The following ACOXL variants were observed in gnomAD, a reference collection of about 807,000 sequenced individuals.
The protein encoded by ACOXL is acyl-coenzyme A oxidase-like protein.
ACOXL carries 70 observed loss-of-function variants against 71.9 expected under a neutral mutation model. The ratio of observed to expected loss-of-function variants is 0.97; its 90% confidence interval spans 0.80 to 1.19. ACOXL has a LOEUF of 1.19. Ranked by LOEUF, ACOXL falls within the 50% of genes most tolerant of loss-of-function variation. The pLI, the probability that ACOXL is intolerant of heterozygous loss-of-function variation, is 0.00. For synonymous variants in ACOXL, 253 were observed against 281.6 expected, an observed-to-expected ratio of 0.90 and a Z score of 1.02; for missense variants, 703 against 736.3, an observed-to-expected ratio of 0.95 and a Z score of 0.52.
At chr2:110,955,609 C>T (rs2061469485) in intron 12 of ACOXL, among the ~76,000 whole-genome samples, 1 of 152,098 alleles carries the variant, frequency 6.6e-6, no homozygotes, top group African/African-American at 2.4e-5. Flanking sequence ...TGCTGAGGCC[C>T]CTGTGACTTG....
intron 1 of ACOXL, among the ~76,000 whole-genome samples, chr2:110,743,759 C>T (rs1677832066): frequency 6.6e-6 from 1 of 152,218 alleles, no homozygotes; most frequent in South Asian, 2.1e-4. Flanking sequence ...GAACTCCCCT[C>T]ACCTGCCTTC....
intron 14 of ACOXL, among the ~76,000 whole-genome samples, chr2:111,007,585 A>G (rs893560221): frequency 6.6e-6 from 1 of 152,176 alleles, no homozygotes; most frequent in African/African-American, 2.4e-5. Flanking sequence ...AAGTGCCTCT[A>G]TCCTTTTTTG....
At chr2:110,835,165 A>G (rs1690296240) in intron 9 of ACOXL, among the ~76,000 whole-genome samples, 1 of 152,240 alleles carries the variant, frequency 6.6e-6, no homozygotes, top group Admixed American at 6.5e-5. Context: ...GATATGAATT[A>G]CTGGGTTTCC....
chr2:110,966,460 G>C (rs145062383), intron 12 of ACOXL, among the ~76,000 whole-genome samples: 280 of 152,316 alleles, frequency 1.8e-3, no homozygotes, highest in African/African-American at 6.5e-3. Flanking sequence ...CTTGGTGTCT[G>C]TGGGCCCAGT....
chr2:110,989,996 C>T (rs376719001), intron 13 of ACOXL, among the ~76,000 whole-genome samples: 58 of 152,132 alleles, frequency 3.8e-4, no homozygotes, highest in Non-Finnish European at 6.3e-4. Flanking sequence ...GCCAAGATTG[C>T]GCCATTGCAC....
intron 1 of ACOXL, among the ~76,000 whole-genome samples, chr2:110,747,759 T>C (rs778476490): frequency 2.6e-5 from 4 of 152,288 alleles, no homozygotes; most frequent in Non-Finnish European, 4.4e-5. Context: ...TTTGTGTTTT[T>C]TTTATGGCTT....
chr2:110,939,316 C>T (rs2060783614), intron 12 of ACOXL, among the ~76,000 whole-genome samples: 3 of 152,092 alleles, frequency 2.0e-5, no homozygotes, highest in African/African-American at 7.2e-5. Context: ...TAAAGAAAAG[C>T]ACAAAAAAGT....
At chr2:110,930,373 A>G (rs2060435177) in intron 11 of ACOXL, among the ~76,000 whole-genome samples, 1 of 152,214 alleles carries the variant, frequency 6.6e-6, no homozygotes, top group South Asian at 2.1e-4. Flanking sequence ...TATTTACCCA[A>G]TGCCTGTACC....
At chr2:110,841,462 T>G (rs1024394415) in intron 10 of ACOXL, 57 bp downstream of exon 10, 20 of 1,448,866 alleles carry the variant, frequency 1.4e-5, no homozygotes, top group Non-Finnish European at 1.9e-5. Context: ...TTATAGCTCT[T>G]GGTTTGCTTA....
intron 9 of ACOXL, among the ~76,000 whole-genome samples, chr2:110,815,459 G>A (rs557333187): frequency 6.6e-6 from 1 of 152,234 alleles, no homozygotes; most frequent in South Asian, 2.1e-4. Context: ...ATGCTTGTTG[G>A]TTTATTTCTC....
In ACOXL at chr2:110,959,969, G is replaced by A. The variant is rs183396883; in HGVS notation, c.1059+26327G>A. Among the ~76,000 whole-genome samples, 7 of 152,302 alleles carry A rather than the reference G, an allele frequency of 4.6e-5. 1 individual carries two copies. The highest frequency in any genetic ancestry group is 1.7e-4 in the African/African-American group (7 of 41,558). ...CACAGGTGATCCCAGTCAGATCCAG[G>A]GGCTGGAAGGGAGGAGCATAAGGCT... is the stretch of plus-strand genomic sequence containing the variant. On this transcript the variant is annotated intron_variant, in intron 12 of 17. Transcript: ENST00000439055.
At chr2:111,087,504 A>G (rs1425744893) in intron 16 of ACOXL, among the ~76,000 whole-genome samples, 1 of 152,182 alleles carries the variant, frequency 6.6e-6, no homozygotes, top group Non-Finnish European at 1.5e-5. Context: ...CTGCACACCT[A>G]CAATGCAGCA....
intron 10 of ACOXL, among the ~76,000 whole-genome samples, chr2:110,845,435 C>G (rs1399725959): frequency 1.3e-5 from 2 of 152,178 alleles, no homozygotes; most frequent in East Asian, 3.9e-4. Flanking sequence ...GGAACACATG[C>G]AAACCCTAGC....
At chr2:110,916,694 A>G (rs1489801304) in intron 11 of ACOXL, among the ~76,000 whole-genome samples, 5 of 152,222 alleles carry the variant, frequency 3.3e-5, no homozygotes, top group Middle Eastern at 3.2e-3. Context: ...GAAAAGAATC[A>G]AATAGACACA....
intron 16 of ACOXL, among the ~76,000 whole-genome samples, chr2:111,085,821 G>C (rs1195459906): frequency 6.6e-6 from 1 of 151,842 alleles, no homozygotes; most frequent in Non-Finnish European, 1.5e-5. Context: ...AAGATAGCTA[G>C]ACTAATAAAG....
intron 1 of ACOXL, among the ~76,000 whole-genome samples, chr2:110,755,402 T>A (rs1414566622): frequency 1.3e-5 from 2 of 152,240 alleles, no homozygotes; most frequent in Non-Finnish European, 2.9e-5. Flanking sequence ...TATATGCCAT[T>A]GTTATACAGA....
Position 111,092,978 on chromosome 2 carries a change from G to T in ACOXL, c.1542+12G>T. 1 of 1,609,928 alleles carries T rather than the reference G, an allele frequency of 6.2e-7. No homozygotes were observed. Among genetic ancestry groups the T allele is most frequent in the Non-Finnish European group, 8.5e-7 (1 of 1,176,864 alleles). ...GGATCAGGAATCAGGTAAGGTCCCT[G>T]GGGTACAGAAAAACACTTTGTACAT... On this transcript the variant is annotated intron_variant, in intron 17 of 17. Transcript: ENST00000439055.
chr2:110,832,263 G>A (rs1366575076), intron 9 of ACOXL, among the ~76,000 whole-genome samples: 1 of 152,222 alleles, frequency 6.6e-6, no homozygotes, highest in Non-Finnish European at 1.5e-5. Flanking sequence ...AGTAGGCCGG[G>A]CGCGGTGGCT....
intron 14 of ACOXL, among the ~76,000 whole-genome samples, chr2:111,021,868 G>T (rs1263595541): frequency 6.7e-6 from 1 of 149,692 alleles, no homozygotes; most frequent in South Asian, 2.1e-4. Context: ...ATGTAAAAAA[G>T]AAAAAAAAGA....
Sources: gnomAD v4.1 joint callset for allele counts (sites outside exome capture counted in the v4.1 genomes callset) on GRCh38, gnomAD v4.1.1 for gene constraint, MANE v1.5 for transcripts, NCBI Gene and HGNC (gene_info 2026-07-23, HGNC 2026-07-21) for gene names.